Variants in MYH10 observed in about 807,000 individuals in gnomAD.
The protein encoded by MYH10 is myosin-10.
MYH10 carries 55 observed loss-of-function variants against 257.8 expected under a neutral mutation model. The observed-to-expected ratio is 0.21, with a 90% CI of 0.17 to 0.27. MYH10 has a LOEUF of 0.27. Ranked by LOEUF, MYH10 falls within the 10% of genes least tolerant of loss-of-function variation. MYH10 has a pLI of 1.00. For synonymous variants in MYH10, 854 were observed against 921.7 expected (o/e 0.93, Z 1.33); for missense variants, 1,631 against 2,500.6 (o/e 0.65, Z 7.42).
chr17:8,513,886 G>C lies in MYH10; in HGVS notation c.2513C>G (p.Ala838Gly). ...GGCACTTAGTTGCTGCTGCTTCTTG[G>C]CAAAGGCCCTGAAGAACAATAAGAA... Reference protein sequence around the residue: ...CRGYLARKAFAKKQQQLSALK... With the variant: ...CRGYLARKAFGKKQQQLSALK... Residue 838 changes from alanine to glycine, a missense_variant, in exon 22 of 43, where the codon GCC becomes GGC. By Grantham distance (60) the Ala-to-Gly change is moderately conservative. Around this residue, in one of 11 missense-constraint regions of MYH10, gnomAD observed 116 missense variants for 221.6 expected, o/e 0.52. Transcript: ENST00000360416. 1.2e-6 allele frequency: 2 copies of C among 1,613,886 alleles called. No individual in the cohort carries two copies. The highest frequency in any genetic ancestry group is 1.7e-6 in the Non-Finnish European group (2 of 1,179,842).
At position 8,476,960 on chromosome 17, in the gene MYH10, C is replaced by T; in HGVS notation, c.5795G>A (p.Arg1932His). The change falls in exon 42 of 43, where the codon CGT becomes CAT. Residue 1932 changes from arginine (R) to histidine (H), a missense_variant. Coordinates refer to ENST00000360416, the MANE Select transcript of MYH10 (RefSeq NM_001256012.3). ...ATCATCCAGTTCCCGCTGGAGTTTACGCCGAGATGCGTTGGCACGCGTCGC... is the reference window on the plus strand; with the variant it reads ...ATCATCCAGTTCCCGCTGGAGTTTATGCCGAGATGCGTTGGCACGCGTCGC... ...EEATRANASR[R>H]KLQRELDDAT... The T allele has an allele frequency of 1.2e-6, 2 of 1,614,046 alleles. No homozygotes were observed. Among genetic ancestry groups the T allele is most frequent in the South Asian group, 1.1e-5 (1 of 91,090 alleles).
At chr17:8,555,595 T>A (rs758018087) in intron 7 of MYH10, among the ~76,000 whole-genome samples, 1 of 152,110 alleles carries the variant, frequency 6.6e-6, no homozygotes, top group African/African-American at 2.4e-5. Flanking sequence ...CAAAACAAAA[T>A]TAAAGGAACC....
chr17:8,504,933 C>T lies in MYH10; in HGVS notation c.3387-27G>A, dbSNP rs1177959207. 6.2e-7 allele frequency: 1 copy of T among 1,602,320 alleles called. No individual in the cohort carries two copies. The highest frequency in any genetic ancestry group is 1.3e-5 in the African/African-American group (1 of 74,710). On this transcript the variant is annotated intron_variant, in intron 27 of 42. Coordinates refer to ENST00000360416, the MANE Select transcript of MYH10 (RefSeq NM_001256012.3). This position sits in a 1 kb window ranked among gnomAD's most constrained non-coding sequence, Gnocchi z 5.6. ...TGTTAAAACACCCAGGCGCAAGAGG[C>T]ACTCAGAGATGGCACCCGGATGGCC...
At chr17:8,613,668 C>T (rs1042585701) in intron 2 of MYH10, among the ~76,000 whole-genome samples, 9 of 151,800 alleles carry the variant, frequency 5.9e-5, no homozygotes, top group South Asian at 2.1e-4. Flanking sequence ...AAACATAGAG[C>T]GGGTAGGATA....
chr17:8,604,805 T>C (rs1164736232), intron 3 of MYH10, 21 bp downstream of exon 3: 1 of 1,419,082 alleles, frequency 7.0e-7, no homozygotes, highest in Non-Finnish European at 9.3e-7. Flanking sequence ...GAGCATTTAG[T>C]ATTCAAATAT....
intron 21 of MYH10, among the ~76,000 whole-genome samples, chr17:8,516,095 T>C (rs932474309): frequency 2.0e-5 from 3 of 152,200 alleles, no homozygotes; most frequent in Non-Finnish European, 2.9e-5. Context: ...GGCAGCTGGT[T>C]TCCTTCTCCG....
In MYH10 at chr17:8,620,963, C is replaced by T. The variant is rs1597998400; in HGVS notation, c.345+1939G>A. ...AAGTTGGAAAAAAATCCAACAAACT[C>T]AGTAAGAGATAACTGTAAAATCTCT... is the stretch of plus-strand genomic sequence containing the variant. On this transcript the variant is annotated intron_variant, in intron 2 of 42. Transcript: ENST00000360416. Among the ~76,000 whole-genome samples the T allele has an allele frequency of 2.0e-5, 3 of 152,280 alleles. 1 individual carries two copies. The South Asian group carries it at 6.2e-4, about 32-fold the overall frequency.
intron 36 of MYH10, 124 bp downstream of exon 36, chr17:8,487,309 G>A: frequency 1.8e-6 from 2 of 1,131,970 alleles, no homozygotes; most frequent in Non-Finnish European, 2.6e-6. Flanking sequence ...TTTATGGCCT[G>A]CTGCCCCACC....
At chr17:8,613,398 A>AAAAT (rs1597979277) in intron 2 of MYH10, among the ~76,000 whole-genome samples, 1 of 152,192 alleles carries the variant, frequency 6.6e-6, no homozygotes, top group East Asian at 1.9e-4. Context: ...TGTGGGTTTT[A>AAAAT]AAATATAGAG....
rs1296006925 is a variant in MYH10 at position 8,527,522 on chromosome 17, G to A, written c.1957+3101C>T. Among the ~76,000 whole-genome samples, 3 of 152,136 alleles carry A rather than the reference G, an allele frequency of 2.0e-5. No homozygotes were observed. The South Asian group carries it at 6.2e-4, about 31-fold the overall frequency. On this transcript the variant is annotated intron_variant, in intron 17 of 42. Coordinates refer to ENST00000360416, the MANE Select transcript of MYH10 (RefSeq NM_001256012.3). Reference sequence around the variant, plus strand: ...CTGAGACTGGGCAGCCTGGCACCACGGCCTATCAGCTGTACCTTGGGACAC... The same window carrying A: ...CTGAGACTGGGCAGCCTGGCACCACAGCCTATCAGCTGTACCTTGGGACAC...
intron 28 of MYH10, among the ~76,000 whole-genome samples, chr17:8,501,227 A>T (rs1282843464): frequency 1.3e-5 from 2 of 152,110 alleles, no homozygotes; most frequent in African/African-American, 4.8e-5. Flanking sequence ...TGGGAGGTTG[A>T]GGCTACAATG....
intron 7 of MYH10, chr17:8,561,012 A>G (rs1489588312): frequency 7.4e-6 from 4 of 540,110 alleles, no homozygotes; most frequent in Non-Finnish European, 1.3e-5. Context: ...TTCTTTCTGT[A>G]GCTCAGGAGA....
At chr17:8,568,233 C>T (rs1333491344) in intron 7 of MYH10, among the ~76,000 whole-genome samples, 1 of 152,146 alleles carries the variant, frequency 6.6e-6, no homozygotes. Flanking sequence ...GAAACCAATC[C>T]TGCCAACACC....
chr17:8,603,338 T>C (rs2084681103), intron 3 of MYH10, among the ~76,000 whole-genome samples: 1 of 152,236 alleles, frequency 6.6e-6, no homozygotes, highest in Non-Finnish European at 1.5e-5. Flanking sequence ...TAATCAGTCA[T>C]TAATCAATAT....
In MYH10 at chr17:8,482,031, G is replaced by A. The variant is rs148466536; in HGVS notation, c.5176-621C>T. The stretch of plus-strand genomic sequence containing the variant: ...AGGACTGGACAATGGGGACAGCCCT[G>A]TGCCTGCCAGCCCACGGGAGGAACT... On this transcript the variant is annotated intron_variant, in intron 37 of 42. Transcript: ENST00000360416. Among the ~76,000 whole-genome samples the A allele has an allele frequency of 5.9e-5, 9 of 152,340 alleles. 2 individuals carry two copies. The East Asian group carries it at 1.7e-3, about 29-fold the overall frequency.
chr17:8,613,784 G>C (rs993797242), intron 2 of MYH10, among the ~76,000 whole-genome samples: 1 of 152,010 alleles, frequency 6.6e-6, no homozygotes, highest in Non-Finnish European at 1.5e-5. Context: ...TGTCAGATTT[G>C]GGACAAAAAT....
intron 2 of MYH10, among the ~76,000 whole-genome samples, chr17:8,620,109 T>C (rs1335593303): frequency 1.3e-5 from 2 of 152,162 alleles, no homozygotes; most frequent in South Asian, 4.1e-4. Context: ...CTAACAGCCA[T>C]ATATTGAACC....
At chr17:8,629,833 C>T (rs1296503685) in intron 1 of MYH10, among the ~76,000 whole-genome samples, 1 of 151,982 alleles carries the variant, frequency 6.6e-6, no homozygotes, top group Admixed American at 6.5e-5. Context: ...GCGTCCACCC[C>T]CGGCCTAGGC....
intron 6 of MYH10, among the ~76,000 whole-genome samples, chr17:8,572,261 T>TGTGTGTGA (rs1312873535): frequency 6.2e-4 from 91 of 147,410 alleles, no homozygotes; most frequent in African/African-American, 2.2e-3. Flanking sequence ...TGTGTGTGAG[T>TGTGTGTGA]GAGAGAGAGA....
Sources: gnomAD v4.1 joint callset for allele counts (sites outside exome capture counted in the v4.1 genomes callset) on GRCh38, gnomAD v4.1.1 for gene constraint, gnomAD v4.1.1 regional missense constraint, Gnocchi (gnomAD v3.1) non-coding constraint, MANE v1.5 for transcripts, NCBI Gene and HGNC (gene_info 2026-07-23, HGNC 2026-07-21) for gene names.